Variants in OSMR observed in about 807,000 individuals in gnomAD.
OSMR encodes oncostatin M receptor.
A neutral mutation model predicts 99.9 loss-of-function variants in OSMR; 81 were observed. That is an observed-to-expected ratio of 0.81 (90% CI 0.68 to 0.97). The LOEUF (loss-of-function observed/expected upper bound fraction) is 0.97, where lower values mean the gene tolerates loss of function less well. Among genes scored for constraint, OSMR ranks in the 50% least tolerant of loss-of-function variants. The pLI, the probability that OSMR is intolerant of heterozygous loss-of-function variation, is 0.00. For synonymous variants in OSMR, 406 were observed against 410.4 expected (o/e 0.99, Z 0.13); for missense variants, 1,099 against 1,153.4 (o/e 0.95, Z 0.68).
intron 12 of OSMR, 126 bp downstream of exon 12, chr5:38,921,920 C>A: frequency 1.3e-6 from 1 of 795,156 alleles, no homozygotes; most frequent in South Asian, 1.5e-5. Flanking sequence ...ACAAATCCAG[C>A]ATGGGTGTTA....
Position 38,886,019 on chromosome 5 carries a change from A to G in OSMR, c.840-20A>G, listed in dbSNP as rs766990556. On this transcript the variant is annotated intron_variant, in intron 6 of 17. Coordinates refer to ENST00000274276, the MANE Select transcript of OSMR (RefSeq NM_003999.3). ...GTAAAAACCTCGTAATGGTTGTGTT[A>G]TTTTGTTTTGTTTTTAAAGATTTTC... 4 of 1,612,150 alleles carry G rather than the reference A, an allele frequency of 2.5e-6. No homozygotes were observed. Among genetic ancestry groups the G allele is most frequent in the Non-Finnish European group, 1.7e-6 (2 of 1,179,718 alleles).
chr5:38,858,347 GA>G (rs1355982817), intron 1 of OSMR, among the ~76,000 whole-genome samples: 1 of 148,916 alleles, frequency 6.7e-6, no homozygotes, highest in Non-Finnish European at 1.5e-5. Flanking sequence ...TCCCACATAT[GA>G]GTGAGAATAT....
At chr5:38,890,214 A>G (rs879420542) in intron 7 of OSMR, among the ~76,000 whole-genome samples, 27 of 152,248 alleles carry the variant, frequency 1.8e-4, no homozygotes, top group Admixed American at 1.7e-3. Flanking sequence ...CAGAAGCATC[A>G]GTATCACGTA....
At chr5:38,945,001 G>C (rs779583890) in exon 3 of OSMR, 4 of 1,612,612 alleles carry the variant, frequency 2.5e-6, no homozygotes, top group Non-Finnish European at 3.4e-6. Flanking sequence ...AAAACTTAGA[G>C]GGAACCACTT....
At position 38,921,612 on chromosome 5, in the gene OSMR, C is replaced by T. The variant is rs368881393; in HGVS notation, c.1586-3C>T. 7 of 1,613,856 alleles carry T rather than the reference C, an allele frequency of 4.3e-6. No individual in the cohort carries two copies. The highest frequency in any genetic ancestry group is 1.3e-5 in the African/African-American group (1 of 74,860). On this transcript the variant is annotated splice_region_variant and splice_polypyrimidine_tract_variant and intron_variant, in intron 11 of 17. Coordinates refer to ENST00000274276, the MANE Select transcript of OSMR (RefSeq NM_003999.3). ...GAGCATTGCTCTATTTGTTTATATA[C>T]AGAAGAGGTTGAGGAAGAAAGAATT...
intron 1 of OSMR, among the ~76,000 whole-genome samples, chr5:38,867,017 C>T (rs1428728824): frequency 3.9e-5 from 6 of 152,116 alleles, no homozygotes; most frequent in Admixed American, 2.6e-4. Context: ...GGTTTCTCTT[C>T]GATGCTCTAT....
Position 38,917,555 on chromosome 5 carries a change from A to T in OSMR, c.1295A>T (p.Glu432Val). The change falls in exon 10 of 18, where the codon GAG becomes GTG. Residue 432 changes from glutamate to valine, a missense_variant. Physicochemically the swap from Glu to Val is moderately radical, Grantham distance 121. Coordinates refer to ENST00000274276, the MANE Select transcript of OSMR (RefSeq NM_003999.3). ...CTTTGGTTAATTTCAGCTCCCTCAG[A>T]GGCCCCTGATGTCTGGAGAATTGTG... The part of the protein sequence containing the change: ...NFTTLEAAPS[E>V]APDVWRIVSL... 1 of 1,613,562 alleles carries T rather than the reference A, an allele frequency of 6.2e-7. No individual in the cohort carries two copies. Among genetic ancestry groups the T allele is most frequent in the Non-Finnish European group, 8.5e-7 (1 of 1,179,516 alleles).
At chr5:38,892,119 T>C (rs917865993) in intron 7 of OSMR, among the ~76,000 whole-genome samples, 2 of 152,042 alleles carry the variant, frequency 1.3e-5, no homozygotes, top group African/African-American at 4.8e-5. Flanking sequence ...CCAGCATCAG[T>C]TGGATGGGAG....
At chr5:38,862,646 G>A (rs1351675527) in intron 1 of OSMR, among the ~76,000 whole-genome samples, 14 of 150,592 alleles carry the variant, frequency 9.3e-5, no homozygotes, top group African/African-American at 2.9e-4. Flanking sequence ...CAGACGGGGC[G>A]GCAGGGCAGA....
intron 3 of OSMR, among the ~76,000 whole-genome samples, chr5:38,877,257 G>A (rs911590749): frequency 2.6e-5 from 4 of 152,220 alleles, no homozygotes; most frequent in Admixed American, 2.0e-4. Context: ...CACCCAGGTA[G>A]TGGAGGCTTT....
intron 12 of OSMR, chr5:38,922,897 TC>T (rs1465375805): frequency 2.0e-5 from 3 of 152,538 alleles, no homozygotes; most frequent in Non-Finnish European, 4.4e-5. Flanking sequence ...TTCCTCAGCC[TC>T]CCCGGTAGCT....
chr5:38,874,740 C>T (rs988491385), intron 2 of OSMR, among the ~76,000 whole-genome samples: 3 of 152,142 alleles, frequency 2.0e-5, no homozygotes, highest in African/African-American at 7.2e-5. Flanking sequence ...TACAGGGGGA[C>T]ACAGGTGTTG....
chr5:38,887,546 G>A lies in OSMR; in HGVS notation c.991+1356G>A, dbSNP rs78438067. On this transcript the variant is annotated intron_variant, in intron 7 of 17. Coordinates refer to ENST00000274276, the MANE Select transcript of OSMR (RefSeq NM_003999.3). The stretch of plus-strand genomic sequence containing the variant: ...AGAGTTCTGGATTCTTAATTCCACT[G>A]GTTGGTCTGTTTATTCCTGCACTAG... Among the ~76,000 whole-genome samples, 1,360 of 152,228 alleles carry A rather than the reference G, an allele frequency of 8.9e-3. 28 individuals are homozygous for A. Among genetic ancestry groups the A allele is most frequent in the African/African-American group, 0.03 (1,261 of 41,540 alleles).
chr5:38,876,190 G>C lies in OSMR; in HGVS notation c.74-11G>C. Reference sequence around the variant, plus strand: ...TAAATATTATTTCATACTTCATTTTGATCTTTTCAGTCTTGGCTGAACGTT... The same window carrying C: ...TAAATATTATTTCATACTTCATTTTCATCTTTTCAGTCTTGGCTGAACGTT... On this transcript the variant is annotated splice_polypyrimidine_tract_variant and intron_variant, in intron 2 of 17. Coordinates refer to ENST00000274276, the MANE Select transcript of OSMR (RefSeq NM_003999.3). 1 of 1,607,716 alleles carries C rather than the reference G, an allele frequency of 6.2e-7. No homozygotes were observed. The highest frequency in any genetic ancestry group is 8.5e-7 in the Non-Finnish European group (1 of 1,174,546).
intron 1 of OSMR, chr5:38,940,775 A>C (rs911157269): frequency 8.6e-6 from 2 of 232,064 alleles, no homozygotes; most frequent in Non-Finnish European, 1.7e-5. Context: ...TAAATTTTTT[A>C]AAAAAGTATC....
rs1230977666 is a variant in OSMR, at chr5:38,933,769, G to C, written c.*325G>C. The C allele has an allele frequency of 2.6e-5, 8 of 302,754 alleles. No individual in the cohort carries two copies. The highest frequency in any genetic ancestry group is 1.1e-4 in the South Asian group (2 of 17,934). 18.8% of individuals were successfully genotyped at this position (302,754 alleles called of 1,614,324 possible). A position where few individuals can be genotyped will look rare whatever the true frequency, so the allele number is the denominator to read the frequency against. ...ACTCTACAGACTCCCACTCAGTACT[G>C]TACAGGGTGGCTGTGGTCCTAGAAG... On this transcript the variant is annotated 3_prime_UTR_variant, in exon 18 of 18. Transcript: ENST00000274276.
chr5:38,931,989 C>T, intron 16 of OSMR, 25 bp downstream of exon 16: 1 of 1,542,540 alleles, frequency 6.5e-7, no homozygotes, highest in Non-Finnish European at 9.0e-7. Flanking sequence ...AAGGTTTTAT[C>T]CAAGAAGAGA....
In OSMR at chr5:38,883,893, C is replaced by A. The variant is rs762511561; in HGVS notation, c.485C>A (p.Thr162Asn). The change falls in exon 5 of 18, where the codon ACC (threonine) becomes AAC (asparagine). Residue 162 changes from threonine to asparagine, a missense_variant. Thr to Asn is a moderately conservative substitution (Grantham distance 65). Transcript: ENST00000274276. ...FPKDKLVEEG[T>N]NVTICYVSRN... ...AAAGATAAGCTGGTGGAAGAAGGCA[C>A]CAATGTTACCATTTGTTACGTTTCT... The A allele has an allele frequency of 6.2e-7, 1 of 1,613,330 alleles. No individual in the cohort carries two copies. The highest frequency in any genetic ancestry group is 8.5e-7 in the Non-Finnish European group (1 of 1,179,444).
chr5:38,943,512 TA>T (rs906456664), intron 1 of OSMR, among the ~76,000 whole-genome samples: 26 of 151,364 alleles, frequency 1.7e-4, no homozygotes, highest in Non-Finnish European at 2.7e-4. Context: ...ATATCACCCT[TA>T]AAAAAAAGCC....
Sources: gnomAD v4.1 joint callset for allele counts (sites outside exome capture counted in the v4.1 genomes callset) on GRCh38, gnomAD v4.1.1 for gene constraint, MANE v1.5 for transcripts, NCBI Gene and HGNC (gene_info 2026-07-23, HGNC 2026-07-21) for gene names.